Variants in ZFPM2 observed in about 807,000 individuals in gnomAD.
The protein encoded by ZFPM2 is zinc finger protein ZFPM2.
ZFPM2 carries 20 observed loss-of-function variants against 98.6 expected under a neutral mutation model. The observed-to-expected ratio is 0.20, with a 90% CI of 0.14 to 0.29. The LOEUF (loss-of-function observed/expected upper bound fraction) is 0.29. Ranked by LOEUF, ZFPM2 falls within the 10% of genes least tolerant of loss-of-function variation. The pLI, the probability that ZFPM2 is intolerant of heterozygous loss-of-function variation, is 1.00. For synonymous variants in ZFPM2, 518 were observed against 502.7 expected, an observed-to-expected ratio of 1.03 and a Z score of -0.41; for missense variants, 1,310 against 1,388.6, an observed-to-expected ratio of 0.94 and a Z score of 0.90.
rs1813604478 is a variant in ZFPM2, at chr8:105,791,331, G to A, written c.739+2407G>A. Among the ~76,000 whole-genome samples the A allele has an allele frequency of 7.9e-5, 12 of 152,262 alleles. No individual in the cohort carries two copies. The South Asian group carries it at 2.5e-3, about 32-fold the overall frequency. On this transcript the variant is annotated intron_variant, in intron 6 of 7. Coordinates refer to ENST00000407775, the MANE Select transcript of ZFPM2 (RefSeq NM_012082.4). ...TTGAATTTTGTCAAAGGCCTTTTCT[G>A]CATCTATTGAGATAATCATGTGGTT...
At chr8:105,558,585 T>C (rs1815053494) in intron 3 of ZFPM2, among the ~76,000 whole-genome samples, 1 of 152,206 alleles carries the variant, frequency 6.6e-6, no homozygotes. Context: ...TTTGTAGTTC[T>C]TAATCCATTA....
intron 4 of ZFPM2, among the ~76,000 whole-genome samples, chr8:105,604,588 C>T (rs541722400): frequency 6.6e-5 from 10 of 152,140 alleles, no homozygotes; most frequent in East Asian, 1.9e-4. Flanking sequence ...GACTTCATCA[C>T]GACCACATTA....
chr8:105,767,562 T>C (rs1812883288), intron 5 of ZFPM2, among the ~76,000 whole-genome samples: 1 of 151,914 alleles, frequency 6.6e-6, no homozygotes, highest in Non-Finnish European at 1.5e-5. Context: ...ATGAATGTAT[T>C]ATTCAAATGA....
At chr8:105,376,102 A>G (rs1714955945) in intron 1 of ZFPM2, among the ~76,000 whole-genome samples, 1 of 152,070 alleles carries the variant, frequency 6.6e-6, no homozygotes, top group Admixed American at 6.6e-5. Flanking sequence ...GCACTCCCCT[A>G]ACAGAGCTGT....
chr8:105,373,016 C>A (rs1488191157), intron 1 of ZFPM2, among the ~76,000 whole-genome samples: 4 of 152,028 alleles, frequency 2.6e-5, no homozygotes, highest in African/African-American at 9.7e-5. Context: ...ATAAGGGCAC[C>A]AAGTGCTCTG....
At chr8:105,736,191 G>T (rs1330697274) in intron 5 of ZFPM2, among the ~76,000 whole-genome samples, 1 of 151,918 alleles carries the variant, frequency 6.6e-6, no homozygotes, top group Non-Finnish European at 1.5e-5. Flanking sequence ...AAACCACATT[G>T]CAGATGCCAA....
chr8:105,481,220 C>G (rs1342268526), intron 3 of ZFPM2, among the ~76,000 whole-genome samples: 1 of 152,096 alleles, frequency 6.6e-6, no homozygotes, highest in Non-Finnish European at 1.5e-5. Context: ...TATTGCTTCC[C>G]TTAATTTTCT....
At chr8:105,415,417 C>T (rs1188384439) in intron 1 of ZFPM2, among the ~76,000 whole-genome samples, 1 of 152,024 alleles carries the variant, frequency 6.6e-6, no homozygotes, top group Non-Finnish European at 1.5e-5. Flanking sequence ...GATTTCCTCA[C>T]ACTTGCCTGC....
intron 3 of ZFPM2, among the ~76,000 whole-genome samples, chr8:105,465,679 G>T (rs999092490): frequency 6.6e-6 from 1 of 151,886 alleles, no homozygotes; most frequent in African/African-American, 2.4e-5. Context: ...TCCTGATATT[G>T]TGGCTGGAAT....
chr8:105,557,347 C>T (rs571738202), intron 3 of ZFPM2, among the ~76,000 whole-genome samples: 6 of 152,132 alleles, frequency 3.9e-5, no homozygotes, highest in Non-Finnish European at 8.8e-5. Context: ...GGGCCCCAGG[C>T]CTATACTTGC....
chr8:105,444,245 C>A, intron 2 of ZFPM2, 35 bp from the exon 3 acceptor site: 1 of 1,538,922 alleles, frequency 6.5e-7, no homozygotes, highest in South Asian at 1.2e-5. Context: ...GAGCTTTGCT[C>A]ATTTTCTTTC....
At chr8:105,694,029 C>T (rs1810956571) in intron 5 of ZFPM2, among the ~76,000 whole-genome samples, 5 of 143,524 alleles carry the variant, frequency 3.5e-5, no homozygotes, top group Admixed American at 2.8e-4. Context: ...CTCTGTTGCC[C>T]AGGCTGGAGT....
chr8:105,682,393 A>C (rs1563519455), intron 5 of ZFPM2, among the ~76,000 whole-genome samples: 1 of 152,212 alleles, frequency 6.6e-6, no homozygotes, highest in Admixed American at 6.5e-5. Context: ...CACTTTGGGA[A>C]TAGCAAAGGA....
chr8:105,385,038 T>C (rs1280691680), intron 1 of ZFPM2, among the ~76,000 whole-genome samples: 1 of 152,166 alleles, frequency 6.6e-6, no homozygotes, highest in Non-Finnish European at 1.5e-5. Flanking sequence ...AGAGAGGTCT[T>C]GCCCGATGTT....
chr8:105,364,614 T>C (rs1353610654), intron 1 of ZFPM2, among the ~76,000 whole-genome samples: 2 of 151,562 alleles, frequency 1.3e-5, no homozygotes, highest in Non-Finnish European at 2.9e-5. Context: ...AGATTGTGTC[T>C]GTCTTGATAA....
chr8:105,797,041 AGAATCTAATCACCAAG>A, intron 6 of ZFPM2: 1 of 152,340 alleles, frequency 6.6e-6, no homozygotes, highest in Non-Finnish European at 1.5e-5. Context: ...CGTCCATTCT[AGAATCTAATCACCAAG>A]CATTGTTCAT....
chr8:105,566,379 A>G (rs1209183701), intron 4 of ZFPM2, among the ~76,000 whole-genome samples: 11 of 152,162 alleles, frequency 7.2e-5, no homozygotes, highest in Admixed American at 5.9e-4. Context: ...GGTGTTTTTG[A>G]AAGTTTTGCA....
intron 1 of ZFPM2, among the ~76,000 whole-genome samples, chr8:105,360,006 G>T (rs1275233664): frequency 1.3e-5 from 2 of 152,190 alleles, no homozygotes; most frequent in Non-Finnish European, 2.9e-5. Flanking sequence ...AGCAGAGAAG[G>T]AAAGCAACTG....
intron 3 of ZFPM2, among the ~76,000 whole-genome samples, chr8:105,488,659 G>A (rs1357793039): frequency 2.6e-5 from 4 of 152,160 alleles, no homozygotes; most frequent in Non-Finnish European, 5.9e-5. Context: ...AGCTACTCAG[G>A]AGGCTGAGGC....
Sources: allele counts gnomAD v4.1 joint callset (sites outside exome capture counted in the v4.1 genomes callset), GRCh38; gene constraint gnomAD v4.1.1; transcripts MANE v1.5; gene names NCBI Gene and HGNC (gene_info 2026-07-23, HGNC 2026-07-21).